Variants in ZNF365 observed in about 807,000 individuals in gnomAD.
The protein encoded by ZNF365 is zinc finger protein 365, also known as protein ZNF365.
Under a neutral mutation model 35.0 loss-of-function variants are expected in ZNF365, and 22 were observed. The ratio of observed to expected loss-of-function variants is 0.63; its 90% CI spans 0.45 to 0.90. The LOEUF (loss-of-function observed/expected upper bound fraction) is 0.90, where lower values mean the gene tolerates loss of function less well. ZNF365 is among the 40% of genes least tolerant of loss of function. ZNF365 has a pLI of 0.00. For synonymous variants in ZNF365, 188 were observed against 196.2 expected, an observed-to-expected ratio of 0.96 and a Z score of 0.35; for missense variants, 448 against 500.3, an observed-to-expected ratio of 0.90 and a Z score of 1.00.
chr10:62,396,877 T>C (rs1248846615), intron 3 of ZNF365, among the ~76,000 whole-genome samples: 1 of 152,224 alleles, frequency 6.6e-6, no homozygotes, highest in African/African-American at 2.4e-5. Flanking sequence ...ACACATTTTG[T>C]TATGCTCTAA....
intron 4 of ZNF365, among the ~76,000 whole-genome samples, chr10:62,479,626 A>G (rs146321679): frequency 7.9e-5 from 12 of 152,330 alleles, no homozygotes; most frequent in African/African-American, 2.9e-4. Flanking sequence ...ATCAGGATGT[A>G]TAATTCCTTA....
At chr10:62,404,180 C>T (rs1839871961), downstream of ZNF365, among the ~76,000 whole-genome samples, 1 of 152,176 alleles carries the variant, frequency 6.6e-6, no homozygotes, top group Admixed American at 6.5e-5. Context: ...GATTCTCCTT[C>T]CCACCCTGTA....
intron 3 of ZNF365, among the ~76,000 whole-genome samples, chr10:62,422,787 T>A (rs1484499111): frequency 6.6e-6 from 1 of 152,090 alleles, no homozygotes; most frequent in African/African-American, 2.4e-5. Flanking sequence ...TACAATTGGG[T>A]GTTCGTAGAG....
rs1839807114 is a variant in ZNF365 at position 62,400,410 on chromosome 10, TTTGA to T, written c.*626_*629del. 2.0e-6 allele frequency: 2 copies of T among 986,112 alleles called. No individual in the cohort carries two copies. Among genetic ancestry groups the T allele is most frequent in the Non-Finnish European group, 2.4e-6 (2 of 830,050 alleles). 61.1% of individuals were successfully genotyped at this position (986,112 alleles called of 1,614,324 possible). A position where few individuals can be genotyped will look rare whatever the true frequency, so the allele number is the denominator to read the frequency against. ...GACAGGGTGTCTTTCAGTTCGTTTG[TTTGA>T]TTGAGGTTTTTTGGTGGCCTAGATG... is the stretch of plus-strand genomic sequence containing the variant. On this transcript the variant is annotated 3_prime_UTR_variant, in exon 5 of 5. Transcript: ENST00000395254.
chr10:62,400,007 C>G lies in ZNF365; in HGVS notation c.*218C>G. On this transcript the variant is annotated 3_prime_UTR_variant, in exon 5 of 5. Coordinates refer to ENST00000395254, the MANE Select transcript of ZNF365 (RefSeq NM_014951.3). ...CCCCCTTTTAGAAGCTTGCAAATTA[C>G]AGAAAGAATAAAAAAATTAAATCAA... The G allele has an allele frequency of 7.6e-7, 1 of 1,323,552 alleles. No individual in the cohort carries two copies. Among genetic ancestry groups the G allele is most frequent in the Non-Finnish European group, 9.6e-7 (1 of 1,039,532 alleles). The allele number at this position is 1,323,552 out of a possible 1,614,324, so 82.0% of individuals were successfully genotyped here.
chr10:62,425,551 G>A (rs778460787), intron 3 of ZNF365, among the ~76,000 whole-genome samples: 3 of 152,148 alleles, frequency 2.0e-5, no homozygotes, highest in Non-Finnish European at 4.4e-5. Flanking sequence ...GAGGGGGCCA[G>A]ATATGGTCCA....
chr10:62,396,348 C>T (rs1839727501), intron 3 of ZNF365, among the ~76,000 whole-genome samples: 1 of 152,194 alleles, frequency 6.6e-6, no homozygotes, highest in Admixed American at 6.5e-5. Flanking sequence ...ACTGGTAAAG[C>T]ACCGAGGCTT....
At chr10:62,432,261 A>C (rs1273231480) in intron 3 of ZNF365, among the ~76,000 whole-genome samples, 1 of 152,064 alleles carries the variant, frequency 6.6e-6, no homozygotes, top group Non-Finnish European at 1.5e-5. Flanking sequence ...ATATTTTAGG[A>C]GAGCAGTTTT....
At chr10:62,452,328 A>T (rs777823128) in intron 3 of ZNF365, among the ~76,000 whole-genome samples, 7 of 152,204 alleles carry the variant, frequency 4.6e-5, no homozygotes, top group Non-Finnish European at 7.3e-5. Flanking sequence ...CTGTATCAGG[A>T]ATCAAGGAAA....
At chr10:62,395,374 G>A (rs982256962) in intron 3 of ZNF365, among the ~76,000 whole-genome samples, 7 of 146,452 alleles carry the variant, frequency 4.8e-5, no homozygotes, top group African/African-American at 1.8e-4. Context: ...AGGCGCTCTT[G>A]TTGCCCAGGC....
In ZNF365 at chr10:62,429,996, A is replaced by G. The variant is rs1250038632; in HGVS notation, c.925-29745A>G. Among the ~76,000 whole-genome samples the G allele has an allele frequency of 2.0e-5, 3 of 152,236 alleles. No homozygotes were observed. In the East Asian group the frequency reaches 5.8e-4, roughly 29 times the overall value. On this transcript the variant is annotated intron_variant, in intron 3 of 4. Transcript: ENST00000395255. ...ATGATATTCTATATGCAGGGTTTATATGAATCTTGTCATTAACATTGTTAG... is the reference window on the plus strand; with the variant it reads ...ATGATATTCTATATGCAGGGTTTATGTGAATCTTGTCATTAACATTGTTAG...
At chr10:62,430,825 C>A (rs764068815) in intron 3 of ZNF365, among the ~76,000 whole-genome samples, 7 of 152,192 alleles carry the variant, frequency 4.6e-5, no homozygotes, top group Admixed American at 6.5e-5. Flanking sequence ...TTCTGCTGAA[C>A]ACCAAACATA....
At chr10:62,445,639 A>G (rs1297497266) in intron 3 of ZNF365, among the ~76,000 whole-genome samples, 1 of 152,220 alleles carries the variant, frequency 6.6e-6, no homozygotes, top group Non-Finnish European at 1.5e-5. Flanking sequence ...TCTGAGCAAG[A>G]GGGCAAGGTG....
chr10:62,474,172 C>T (rs1589475280), intron 4 of ZNF365, among the ~76,000 whole-genome samples: 1 of 152,176 alleles, frequency 6.6e-6, no homozygotes, highest in African/African-American at 2.4e-5. Context: ...CATGCTTAAC[C>T]AATTATTGGA....
chr10:62,476,256 G>A (rs1374692663), intron 4 of ZNF365, among the ~76,000 whole-genome samples: 1 of 152,080 alleles, frequency 6.6e-6, no homozygotes, highest in Non-Finnish European at 1.5e-5. Flanking sequence ...CTTGAGCTTC[G>A]CAGTGCTTTT....
chr10:62,402,142 G>T lies in ZNF365; in HGVS notation c.*2353G>T. The T allele has an allele frequency of 1.0e-6, 1 of 985,920 alleles. No individual in the cohort carries two copies. The highest frequency in any genetic ancestry group is 1.2e-6 in the Non-Finnish European group (1 of 829,922). The allele number at this position is 985,920 out of a possible 1,614,324, so 61.1% of individuals were successfully genotyped here. ...CATGGGCCGTTGACCTTAGAGTTAA[G>T]GCGGTTGCTTTTTTGAAGAAATCAC... is the stretch of plus-strand genomic sequence containing the variant. On this transcript the variant is annotated 3_prime_UTR_variant, in exon 5 of 5. Coordinates refer to ENST00000395254, the MANE Select transcript of ZNF365 (RefSeq NM_014951.3).
chr10:62,465,732 T>A (rs975373282), intron 4 of ZNF365, among the ~76,000 whole-genome samples: 4 of 152,174 alleles, frequency 2.6e-5, no homozygotes, highest in Non-Finnish European at 5.9e-5. Flanking sequence ...GTTATCCACA[T>A]AACCTCATTC....
chr10:62,478,096 G>T (rs1000533000), intron 4 of ZNF365, among the ~76,000 whole-genome samples: 2 of 152,120 alleles, frequency 1.3e-5, no homozygotes, highest in Non-Finnish European at 2.9e-5. Context: ...TAAGGAAAAG[G>T]CCAGTCAGTA....
intron 4 of ZNF365, among the ~76,000 whole-genome samples, chr10:62,463,227 C>G (rs966137088): frequency 1.3e-5 from 2 of 152,192 alleles, no homozygotes; most frequent in Non-Finnish European, 2.9e-5. Flanking sequence ...CGCCTACTTC[C>G]CATCCAAGTC....
Sources: allele counts gnomAD v4.1 joint callset (sites outside exome capture counted in the v4.1 genomes callset), GRCh38; gene constraint gnomAD v4.1.1; transcripts MANE v1.5; gene names NCBI Gene and HGNC (gene_info 2026-07-23, HGNC 2026-07-21).